Variants in CMC1 observed in about 807,000 individuals in gnomAD.
CMC1 encodes the protein C-X9-C motif containing 1, also known as COX assembly mitochondrial protein homolog.
In CMC1, 14 loss-of-function variants were observed where a neutral mutation model predicts 14.1. The observed-to-expected ratio is 0.99, with a 90% confidence interval of 0.66 to 1.55. CMC1 has a LOEUF of 1.55. Ranked by LOEUF, CMC1 falls within the 40% of genes most tolerant of loss-of-function variation. The pLI, the probability that CMC1 is intolerant of heterozygous loss-of-function variation, is 0.00. For synonymous variants in CMC1, 50 were observed against 38.4 expected (o/e 1.30, Z -1.12); for missense variants, 127 against 123.8 (o/e 1.03, Z -0.12).
At chr3:28,284,840 A>G (rs1318573526) in intron 2 of CMC1, among the ~76,000 whole-genome samples, 1 of 152,024 alleles carries the variant, frequency 6.6e-6, no homozygotes, top group African/African-American at 2.4e-5. Flanking sequence ...GTTCTTTTCC[A>G]GTAGGCCAAG....
At chr3:28,242,942 G>A (rs1698607658) in intron 1 of CMC1, among the ~76,000 whole-genome samples, 1 of 152,196 alleles carries the variant, frequency 6.6e-6, no homozygotes, top group South Asian at 2.1e-4. Context: ...TGCACTGTGC[G>A]ATGCTTGGTT....
At chr3:28,259,402 G>C (rs1699607742) in intron 1 of CMC1, among the ~76,000 whole-genome samples, 1 of 151,780 alleles carries the variant, frequency 6.6e-6, no homozygotes, top group African/African-American at 2.4e-5. Flanking sequence ...CATTTCATAG[G>C]GGTACATTAG....
chr3:28,285,819 T>G (rs1053129927), intron 2 of CMC1, among the ~76,000 whole-genome samples: 1 of 150,814 alleles, frequency 6.6e-6, no homozygotes, highest in Non-Finnish European at 1.5e-5. Context: ...CAGGCTGGAG[T>G]GCAGTGGCGC....
In CMC1 at chr3:28,302,505, T is replaced by C. The variant is rs138664250; in HGVS notation, c.110-13828T>C. Among the ~76,000 whole-genome samples the C allele has an allele frequency of 2.4e-4, 37 of 152,338 alleles. 2 individuals carry two copies. The East Asian group carries it at 7.2e-3, about 29-fold the overall frequency. On this transcript the variant is annotated intron_variant, in intron 2 of 3. Transcript: ENST00000466830. ...AAAAAGATAGAGGGATTTGGTGCTT[T>C]CATTGTCCACACCAGGCTGTGTGAA...
chr3:28,290,900 C>T (rs1701437746), intron 2 of CMC1, among the ~76,000 whole-genome samples: 2 of 151,976 alleles, frequency 1.3e-5, no homozygotes, highest in Non-Finnish European at 2.9e-5. Context: ...TCTTCTGCTT[C>T]AGTTTCTCAC....
At chr3:28,284,150 T>C (rs1319013269) in intron 2 of CMC1, among the ~76,000 whole-genome samples, 1 of 152,194 alleles carries the variant, frequency 6.6e-6, no homozygotes, top group Non-Finnish European at 1.5e-5. Context: ...GGTTGACTTA[T>C]TTATTGTTGA....
intron 2 of CMC1, among the ~76,000 whole-genome samples, chr3:28,289,106 AG>A (rs1158393744): frequency 2.7e-5 from 4 of 150,722 alleles, no homozygotes; most frequent in Admixed American, 1.3e-4. Flanking sequence ...ATGTTCTTTG[AG>A]GTTTTTTTTA....
intron 2 of CMC1, among the ~76,000 whole-genome samples, chr3:28,269,913 A>G (rs990453233): frequency 2.0e-5 from 3 of 152,114 alleles, no homozygotes; most frequent in Non-Finnish European, 4.4e-5. Context: ...ATGTATCCTG[A>G]TGCTTTCCCT....
intron 2 of CMC1, among the ~76,000 whole-genome samples, chr3:28,290,684 T>A (rs983682123): frequency 3.3e-5 from 5 of 152,186 alleles, no homozygotes; most frequent in African/African-American, 1.2e-4. Context: ...TCTTAAATTA[T>A]AATTGAAAAT....
intron 2 of CMC1, among the ~76,000 whole-genome samples, chr3:28,264,118 C>G (rs998490337): frequency 3.9e-5 from 6 of 152,080 alleles, no homozygotes; most frequent in African/African-American, 1.2e-4. Context: ...AAAATTCTGT[C>G]TCTTGGAAGG....
chr3:28,296,736 G>T (rs994976117), intron 2 of CMC1, among the ~76,000 whole-genome samples: 5 of 151,860 alleles, frequency 3.3e-5, no homozygotes, highest in Non-Finnish European at 5.9e-5. Context: ...CTATGATTAT[G>T]ACTTATTTAA....
chr3:28,290,600 A>G (rs751431800), intron 2 of CMC1, among the ~76,000 whole-genome samples: 49 of 152,068 alleles, frequency 3.2e-4, no homozygotes, highest in Middle Eastern at 3.2e-3. Context: ...TAACTGTGAT[A>G]TATCTTGTAT....
chr3:28,293,108 G>T (rs763506959), intron 2 of CMC1: 2 of 151,906 alleles, frequency 1.3e-5, no homozygotes, highest in Non-Finnish European at 2.9e-5. Context: ...TAGTAATTTT[G>T]TGGGAACGTT....
At chr3:28,263,636 A>G (rs1441317099) in intron 2 of CMC1, among the ~76,000 whole-genome samples, 1 of 152,156 alleles carries the variant, frequency 6.6e-6, no homozygotes, top group African/African-American at 2.4e-5. Context: ...AGTTATATAC[A>G]TGGAAAAACT....
At chr3:28,243,252 C>A (rs1024919152) in intron 1 of CMC1, among the ~76,000 whole-genome samples, 3 of 151,968 alleles carry the variant, frequency 2.0e-5, no homozygotes, top group Non-Finnish European at 2.9e-5. Context: ...GATGAGGTTT[C>A]GCCGTGTTCG....
At chr3:28,254,388 G>T (rs775965243) in intron 1 of CMC1, among the ~76,000 whole-genome samples, 7 of 151,976 alleles carry the variant, frequency 4.6e-5, no homozygotes, top group Non-Finnish European at 1.0e-4. Context: ...ATCTTTAGTA[G>T]AATTTTCATA....
Position 28,324,237 on chromosome 3 carries a change from A to C in CMC1, c.*4608A>C. 1.2e-6 allele frequency: 2 copies of C among 1,610,436 alleles called. No individual in the cohort carries two copies. Among genetic ancestry groups the C allele is most frequent in the Non-Finnish European group, 1.7e-6 (2 of 1,177,542 alleles). ...TGTGTTCCTGAAAGCATGTACCATC[A>C]TTAGGAATGGATCTCTCATTGTCTG... On this transcript the variant is annotated 3_prime_UTR_variant, in exon 4 of 4. Transcript: ENST00000466830.
chr3:28,259,884 T>G (rs1211775023), intron 1 of CMC1, among the ~76,000 whole-genome samples: 2 of 152,166 alleles, frequency 1.3e-5, no homozygotes, highest in Non-Finnish European at 2.9e-5. Flanking sequence ...TCTGTGTAAT[T>G]TTATACCATG....
chr3:28,281,041 C>G (rs1158747264), intron 2 of CMC1, among the ~76,000 whole-genome samples: 1 of 152,192 alleles, frequency 6.6e-6, no homozygotes, highest in Admixed American at 6.5e-5. Flanking sequence ...AATGTTTACT[C>G]TTTGGCTCTT....
Sources: allele counts gnomAD v4.1 joint callset (sites outside exome capture counted in the v4.1 genomes callset), GRCh38; gene constraint gnomAD v4.1.1; transcripts MANE v1.5; gene names NCBI Gene and HGNC (gene_info 2026-07-23, HGNC 2026-07-21).